Variants in RIF1 observed in about 807,000 individuals in gnomAD.
The protein encoded by RIF1 is replication timing regulatory factor 1.
RIF1 carries 45 observed loss-of-function variants against 247.1 expected under a neutral mutation model. The observed-to-expected ratio is 0.18, with a 90% confidence interval of 0.14 to 0.23. The LOEUF is 0.23. Ranked by LOEUF, RIF1 falls within the 10% of genes least tolerant of loss-of-function variation. The pLI is 1.00. For synonymous variants in RIF1, 1,087 were observed against 978.8 expected, an observed-to-expected ratio of 1.11 and a Z score of -2.06; for missense variants, 2,967 against 2,862.5, an observed-to-expected ratio of 1.04 and a Z score of -0.83.
downstream of RIF1, among the ~76,000 whole-genome samples, chr2:151,509,699 C>A (rs529959049): frequency 3.8e-4 from 58 of 152,224 alleles, 1 homozygote; most frequent in African/African-American, 1.3e-3. Flanking sequence ...GTGATCTTGG[C>A]TCACTGCAAC....
Position 151,417,253 on chromosome 2 carries a change from T to C in RIF1, c.503+352T>C, listed in dbSNP as rs1244403965. On this transcript the variant is annotated intron_variant, in intron 6 of 35. Coordinates refer to ENST00000444746, the MANE Select transcript of RIF1 (RefSeq NM_018151.5). ...GTTGTTTAGGAAGGCAGTCAGTGTTTAGCAGGGAATAGAGTACCTTCTTCA... is the reference window on the plus strand; with the variant it reads ...GTTGTTTAGGAAGGCAGTCAGTGTTCAGCAGGGAATAGAGTACCTTCTTCA... 2.6e-5 allele frequency among the ~76,000 whole-genome samples: 4 copies of C among 152,324 alleles called. No homozygotes were observed. In the East Asian group the frequency reaches 7.7e-4, roughly 29 times the overall value.
At chr2:151,455,695 A>G (rs1302503820) in intron 22 of RIF1, among the ~76,000 whole-genome samples, 2 of 152,214 alleles carry the variant, frequency 1.3e-5, no homozygotes, top group African/African-American at 2.4e-5. Flanking sequence ...ACATGCAAAT[A>G]CAATTTGTTT....
chr2:151,444,347 TCACC>T (rs1692869007), intron 18 of RIF1, among the ~76,000 whole-genome samples: 1 of 152,210 alleles, frequency 6.6e-6, no homozygotes, highest in Non-Finnish European at 1.5e-5. Flanking sequence ...TCTCACTCTG[TCACC>T]CAGGCTAGAG....
At chr2:151,468,909 GCC>G (rs1250051607) in intron 33 of RIF1, among the ~76,000 whole-genome samples, 153 bp downstream of exon 33, 1 of 152,174 alleles carries the variant, frequency 6.6e-6, no homozygotes, top group Non-Finnish European at 1.5e-5. Context: ...GAGAAGGTAG[GCC>G]AGATAAGGCA....
the RIF1 span, chr2:151,527,382 A>C: frequency 1.0e-6 from 1 of 999,434 alleles, no homozygotes; most frequent in Non-Finnish European, 1.5e-6. Flanking sequence ...CAAACGAGCA[A>C]GGGTTAACAC....
chr2:151,432,984 C>T (rs1402075939), intron 9 of RIF1, 93 bp from the exon 10 acceptor site: 30 of 966,118 alleles, frequency 3.1e-5, no homozygotes, highest in Non-Finnish European at 4.2e-5. Flanking sequence ...AAAATACGTT[C>T]TCTTGCTGTG....
At position 151,461,205 on chromosome 2, in the gene RIF1, A is replaced by G. The variant is rs1224654355; in HGVS notation, c.3143A>G (p.Asp1048Gly). 1.9e-6 allele frequency: 3 copies of G among 1,613,376 alleles called. No individual in the cohort carries two copies. The highest frequency in any genetic ancestry group is 2.5e-6 in the Non-Finnish European group (3 of 1,179,514). The change falls in exon 27 of 36, where the codon GAC (aspartate) becomes GGC (glycine). Residue 1048 changes from aspartate (D) to glycine (G), a missense_variant. Asp to Gly is a moderately conservative substitution (Grantham distance 94). Coordinates refer to ENST00000444746, the MANE Select transcript of RIF1 (RefSeq NM_018151.5). ...EILLEEEKST[D>G]FVFIPPEGKD... is the part of the protein sequence containing the mutation. The stretch of plus-strand genomic sequence containing the variant: ...CTTTTGGAAGAGGAAAAGTCTACTG[A>G]CTTTGTGTTTATACCTCCAGAAGGA...
Position 151,498,883 on chromosome 2 carries a change from T to G in RIF1, c.*514-462T>G, listed in dbSNP as rs980653526. The stretch of plus-strand genomic sequence containing the variant: ...GTTTAAGGCAAATGGAGAGCAATGA[T>G]AAGGTGCTAAAAAAAAGAAACTTCA... On this transcript the variant is annotated intron_variant and NMD_transcript_variant, in intron 10 of 13. Coordinates refer to the RIF1 transcript ENST00000454583. 3.1e-4 allele frequency among the ~76,000 whole-genome samples: 33 copies of G among 107,286 alleles called. No homozygotes were observed. In the Admixed American group the frequency reaches 3.1e-3, roughly 10 times the overall value. The allele number at this position is 107,286 out of a possible 152,430, so 70.4% of individuals were successfully genotyped here.
downstream of RIF1, among the ~76,000 whole-genome samples, chr2:151,484,029 A>G (rs902244974): frequency 3.3e-5 from 5 of 152,212 alleles, no homozygotes; most frequent in African/African-American, 4.8e-5. Flanking sequence ...GTATGTAAAT[A>G]TGTTATACTG....
chr2:151,412,587 A>G (rs1182511507), intron 3 of RIF1, among the ~76,000 whole-genome samples: 1 of 152,124 alleles, frequency 6.6e-6, no homozygotes. Flanking sequence ...TCCCAGGTTC[A>G]AGTGATTCTC....
intron 10 of RIF1, among the ~76,000 whole-genome samples, chr2:151,498,565 A>AAAAG (rs2061952243): frequency 6.6e-6 from 1 of 152,198 alleles, no homozygotes; most frequent in African/African-American, 2.4e-5. Context: ...AAGAAATAGG[A>AAAAG]AAAGAAAGGT....
At position 151,475,265 on chromosome 2, in the gene RIF1, T is replaced by TTTTC; in HGVS notation, c.*194_*195insTTTC. Reference sequence around the variant, plus strand: ...TCATTATGTAAGATCCTTTTTTTTTTCATAATATGTATTCTTGGCTGCTAT... The same window carrying TTTTC: ...TCATTATGTAAGATCCTTTTTTTTTTTTTCCATAATATGTATTCTTGGCTGCTAT... On this transcript the variant is annotated 3_prime_UTR_variant, in exon 36 of 36. Coordinates refer to ENST00000444746, the MANE Select transcript of RIF1 (RefSeq NM_018151.5). The TTTTC allele has an allele frequency of 1.8e-6, 1 of 553,504 alleles. No individual in the cohort carries two copies. The highest frequency in any genetic ancestry group is 3.2e-5 in the East Asian group (1 of 31,486). The allele number at this position is 553,504 out of a possible 1,614,324, so 34.3% of individuals were successfully genotyped here.
intron 34 of RIF1, among the ~76,000 whole-genome samples, chr2:151,471,734 T>C (rs921551159): frequency 1.3e-5 from 2 of 152,218 alleles, no homozygotes; most frequent in Non-Finnish European, 2.9e-5. Context: ...CTTATATCTC[T>C]GTTTTGGTAC....
At chr2:151,434,492 G>A (rs1383495786) in intron 10 of RIF1, among the ~76,000 whole-genome samples, 1 of 139,830 alleles carries the variant, frequency 7.2e-6, no homozygotes, top group Non-Finnish European at 1.5e-5. Context: ...CCAGGCTAGG[G>A]TGCAGTGGCA....
chr2:151,533,340 C>T, the RIF1 span: 1 of 750,496 alleles, frequency 1.3e-6, no homozygotes, highest in South Asian at 1.8e-5. Context: ...CATATGAAGC[C>T]AGCATGGGCA....
At chr2:151,450,826 C>T (rs1366036653) in intron 20 of RIF1, among the ~76,000 whole-genome samples, 2 of 152,104 alleles carry the variant, frequency 1.3e-5, no homozygotes, top group African/African-American at 2.4e-5. Flanking sequence ...TCAGGTGATC[C>T]ACCCACCTCA....
intron 25 of RIF1, among the ~76,000 whole-genome samples, chr2:151,459,478 CTG>C (rs1695786984): frequency 6.6e-6 from 1 of 152,150 alleles, no homozygotes; most frequent in Non-Finnish European, 1.5e-5. Flanking sequence ...AGAAAAAAGA[CTG>C]TTATAGCCAA....
intron 10 of RIF1, chr2:151,498,080 C>G (rs2061528122): frequency 6.8e-7 from 1 of 1,466,036 alleles, no homozygotes; most frequent in African/African-American, 1.4e-5. Context: ...TTGTAAATAT[C>G]AGATGAAGTA....
intron 25 of RIF1, among the ~76,000 whole-genome samples, chr2:151,459,615 C>T (rs1476432260): frequency 6.6e-6 from 1 of 152,174 alleles, no homozygotes; most frequent in East Asian, 1.9e-4. Flanking sequence ...GAAATATGCT[C>T]TGTCATACAT....
Sources: allele counts gnomAD v4.1 joint callset (sites outside exome capture counted in the v4.1 genomes callset), GRCh38; gene constraint gnomAD v4.1.1; transcripts MANE v1.5; gene names NCBI Gene and HGNC (gene_info 2026-07-23, HGNC 2026-07-21).